TXNL4A: variants seen among roughly 807,000 people sequenced by gnomAD.
TXNL4A encodes thioredoxin-like protein 4A.
In TXNL4A, 17 loss-of-function variants were observed where a neutral mutation model predicts 14.6. That is an observed-to-expected ratio of 1.16 (90% CI 0.80 to 1.74). The LOEUF (loss-of-function observed/expected upper bound fraction) is 1.74, where lower values mean the gene tolerates loss of function less well. TXNL4A is among the 40% of genes most tolerant of loss of function. The pLI, the probability that TXNL4A is intolerant of heterozygous loss-of-function variation, is 0.00. For missense variants in TXNL4A, 74 were observed against 195.2 expected (o/e 0.38, Z 3.70); for synonymous variants, 83 against 70.6 (o/e 1.18, Z -0.88).
At chr18:80,017,782 T>C (rs1182996600) in intron 1 of TXNL4A, among the ~76,000 whole-genome samples, 1 of 152,128 alleles carries the variant, frequency 6.6e-6, no homozygotes, top group Non-Finnish European at 1.5e-5. Context: ...TTATTGAGGA[T>C]TTTTACATCA....
At chr18:79,985,138 GA>G (rs2051526867) in intron 1 of TXNL4A, among the ~76,000 whole-genome samples, 1 of 152,106 alleles carries the variant, frequency 6.6e-6, no homozygotes, top group Admixed American at 6.5e-5. Flanking sequence ...CTACAAAATG[GA>G]AAGACAGCTC....
chr18:79,976,983 G>C (rs182934451), intron 2 of TXNL4A, among the ~76,000 whole-genome samples: 2 of 151,672 alleles, frequency 1.3e-5, no homozygotes, highest in African/African-American at 4.8e-5. Context: ...TTTTTGAGAC[G>C]GAGTTTTGCT....
At chr18:80,000,625 A>G (rs553799028) in intron 1 of TXNL4A, among the ~76,000 whole-genome samples, 1 of 152,326 alleles carries the variant, frequency 6.6e-6, no homozygotes, top group African/African-American at 2.4e-5. Flanking sequence ...AGAAATTTGC[A>G]TAAGTAATGA....
At chr18:79,988,063 A>C (rs1599731385) in intron 1 of TXNL4A, among the ~76,000 whole-genome samples, 177 bp downstream of exon 1, 1 of 152,288 alleles carries the variant, frequency 6.6e-6, no homozygotes, top group African/African-American at 2.4e-5. Context: ...AAAGGCGTGA[A>C]ACGCCGGCAC....
chr18:80,002,602 T>C (rs1276732319), intron 1 of TXNL4A, among the ~76,000 whole-genome samples: 1 of 152,214 alleles, frequency 6.6e-6, no homozygotes, highest in Non-Finnish European at 1.5e-5. Flanking sequence ...AACCAATTTT[T>C]AAAATGAGGC....
chr18:79,983,910 AAGAGCCTAGCT>A (rs2051502522), intron 1 of TXNL4A, among the ~76,000 whole-genome samples: 1 of 152,146 alleles, frequency 6.6e-6, no homozygotes, highest in African/African-American at 2.4e-5. Context: ...ATGAAGTGCC[AAGAGCCTAGCT>A]AGAGTCTGCA....
chr18:79,999,515 G>A (rs2051685071), intron 1 of TXNL4A, among the ~76,000 whole-genome samples: 2 of 123,462 alleles, frequency 1.6e-5, no homozygotes, highest in East Asian at 2.6e-4. Context: ...CAGCCTGAGT[G>A]ACAAGAGTGA....
chr18:79,988,334 G>C lies in TXNL4A; in HGVS notation c.59C>G (p.Ser20Trp), dbSNP rs750850391. The change falls in exon 1 of 3, where the codon TCG becomes TGG. Residue 20 changes from serine to tryptophan, a missense_variant. Coordinates refer to ENST00000269601, the MANE Select transcript of TXNL4A (RefSeq NM_006701.5). ...GATGACGACCACGCGGTCCTCCTCC[G>C]AGAGGATGGCCTGGTCCACCTGCCA... The part of the protein sequence containing the change: ...NGWQVDQAIL[S>W]EEDRVVVIRF... 5 of 1,586,318 alleles carry C rather than the reference G, an allele frequency of 3.2e-6. No individual in the cohort carries two copies.
At chr18:80,018,461 C>A (rs1258458677) in intron 1 of TXNL4A, among the ~76,000 whole-genome samples, 2 of 152,066 alleles carry the variant, frequency 1.3e-5, no homozygotes, top group East Asian at 3.8e-4. Flanking sequence ...CAAAAGCTAG[C>A]AGAAGGCAAG....
At chr18:79,977,541 C>T in intron 2 of TXNL4A, 57 bp downstream of exon 2, 1 of 1,366,530 alleles carries the variant, frequency 7.3e-7, no homozygotes, top group Non-Finnish European at 1.0e-6. Context: ...ATCTTGATTA[C>T]ATTAAGCTTC....
intron 1 of TXNL4A, among the ~76,000 whole-genome samples, chr18:80,013,239 C>T (rs986953170): frequency 1.3e-5 from 2 of 151,322 alleles, no homozygotes; most frequent in Non-Finnish European, 2.9e-5. Context: ...TCTCCTGCCT[C>T]AGCCTCCTGA....
chr18:79,991,551 T>C (rs183019018), upstream of TXNL4A, among the ~76,000 whole-genome samples: 128 of 152,364 alleles, frequency 8.4e-4, no homozygotes, highest in African/African-American at 3.0e-3. Context: ...ATCAGTTGAT[T>C]GACATTTGGG....
In TXNL4A at chr18:79,988,228, C is replaced by T; in HGVS notation, c.153+12G>A. On this transcript the variant is annotated intron_variant, in intron 1 of 2. Transcript: ENST00000269601. ...AGCACAGCCCGCAGAGCGGGAGAGT[C>T]CGGCGCGCTACCTTCTCGGCGATGC... is the stretch of plus-strand genomic sequence containing the variant. The T allele has an allele frequency of 1.3e-6, 2 of 1,512,756 alleles. No homozygotes were observed. The highest frequency in any genetic ancestry group is 1.8e-6 in the Non-Finnish European group (2 of 1,110,800). The allele number at this position is 1,512,756 out of a possible 1,614,324, so 93.7% of individuals were successfully genotyped here.
rs141890203 is a variant in TXNL4A at position 79,995,735 on chromosome 18, C to A, written c.-60-18034G>T. On this transcript the variant is annotated intron_variant, in intron 1 of 2. Transcript: ENST00000585474. ...CAGTTAAAGCAATTAACTTTTCAAA[C>A]CTCTCAGCCCCAGAAAGATTTTAAG... is the stretch of plus-strand genomic sequence containing the variant. Among the ~76,000 whole-genome samples the A allele has an allele frequency of 4.9e-3, 751 of 152,284 alleles. 5 individuals are homozygous for A. The highest frequency in any genetic ancestry group is 0.017 in the African/African-American group (709 of 41,546).
chr18:79,988,143 G>A (rs922747802), intron 1 of TXNL4A, 97 bp downstream of exon 1: 2 of 1,299,588 alleles, frequency 1.5e-6, no homozygotes, highest in East Asian at 3.0e-5. Flanking sequence ...GCCCCTCCTC[G>A]GGGAACAGCT....
intron 1 of TXNL4A, among the ~76,000 whole-genome samples, chr18:79,980,621 G>C (rs886129246): frequency 1.3e-5 from 2 of 152,112 alleles, no homozygotes; most frequent in African/African-American, 4.8e-5. Context: ...GAGGGGGAGG[G>C]GGAAAGCCCA....
intron 1 of TXNL4A, among the ~76,000 whole-genome samples, chr18:79,987,681 GAACT>G (rs899098508): frequency 2.0e-5 from 3 of 152,120 alleles, no homozygotes; most frequent in African/African-American, 7.2e-5. Context: ...GAAATTCAGA[GAACT>G]AATTCTAACA....
chr18:80,018,101 T>C (rs2051824203), intron 1 of TXNL4A, among the ~76,000 whole-genome samples: 1 of 152,156 alleles, frequency 6.6e-6, no homozygotes, highest in African/African-American at 2.4e-5. Flanking sequence ...GGAGAGTGTA[T>C]GTGTCAAGGA....
intron 1 of TXNL4A, among the ~76,000 whole-genome samples, chr18:80,013,406 C>G (rs2051785498): frequency 6.6e-6 from 1 of 151,834 alleles, no homozygotes; most frequent in Non-Finnish European, 1.5e-5. Flanking sequence ...CAGGCGTGAG[C>G]CACCACACCT....
Sources: gnomAD v4.1 joint callset for allele counts (sites outside exome capture counted in the v4.1 genomes callset) on GRCh38, gnomAD v4.1.1 for gene constraint, MANE v1.5 for transcripts, NCBI Gene and HGNC (gene_info 2026-07-23, HGNC 2026-07-21) for gene names.